The following EHMT1 variants were observed in gnomAD, a reference collection of about 807,000 sequenced individuals.
The protein encoded by EHMT1 is euchromatic histone lysine methyltransferase 1.
In EHMT1, 15 loss-of-function variants were observed where a neutral mutation model predicts 147.2. The observed-to-expected ratio is 0.10, with a 90% CI of 0.07 to 0.16. The LOEUF (loss-of-function observed/expected upper bound fraction) is 0.16, where lower values mean the gene tolerates loss of function less well. EHMT1 is among the 10% of genes least tolerant of loss of function. The pLI is 1.00. For missense variants in EHMT1, 1,587 were observed against 1,772.4 expected (o/e 0.90, Z 1.88); for synonymous variants, 795 against 709.6 (o/e 1.12, Z -1.91).
chr9:137,729,114 C>T (rs1057463990), intron 4 of EHMT1, among the ~76,000 whole-genome samples: 3 of 152,126 alleles, frequency 2.0e-5, no homozygotes, highest in African/African-American at 7.2e-5. Flanking sequence ...CAAACCTCCT[C>T]AGCTTCTGGG....
chr9:137,768,309 T>C (rs1273117015), intron 10 of EHMT1, among the ~76,000 whole-genome samples: 1 of 151,738 alleles, frequency 6.6e-6, no homozygotes, highest in Non-Finnish European at 1.5e-5. Context: ...TTTTTCCACT[T>C]ATACCATCTG....
intron 10 of EHMT1, among the ~76,000 whole-genome samples, chr9:137,774,830 C>T (rs1344335013): frequency 2.6e-5 from 4 of 152,108 alleles, no homozygotes; most frequent in East Asian, 1.9e-4. Context: ...GGTGTGGTCG[C>T]GCCTGGCCCA....
At position 137,744,145 on chromosome 9, in the gene EHMT1, C is replaced by T. The variant is rs1014648363; in HGVS notation, c.1170+55C>T. 31 of 1,603,048 alleles carry T rather than the reference C, an allele frequency of 1.9e-5. No homozygotes were observed. In the East Asian group the frequency reaches 2.9e-4, roughly 15 times the overall value. ...AAGGAAAGAGCATCACAAAGTTGGC[C>T]GTGGTTCTGAAAATTAACAGTCTGG... On this transcript the variant is annotated intron_variant, in intron 6 of 26. Coordinates refer to ENST00000460843, the MANE Select transcript of EHMT1 (RefSeq NM_024757.5).
At chr9:137,651,594 C>T (rs531531305) in intron 1 of EHMT1, among the ~76,000 whole-genome samples, 239 of 152,198 alleles carry the variant, frequency 1.6e-3, no homozygotes, top group Non-Finnish European at 2.3e-3. Flanking sequence ...TCAAGACCAG[C>T]CTGGCTAACA....
rs1394640161 is a variant in EHMT1, at chr9:137,834,856, G to A, written c.3800G>A (p.Ser1267Asn). ...GGCTCCCCCAAGTGCCGGCACTCGA[G>A]CGCGGCCCTGGCCCAGCGTCAGGCC... is the stretch of plus-strand genomic sequence containing the variant. ...RCGSPKCRHS[S>N]AALAQRQASA... The change falls in exon 27 of 27, where the codon AGC becomes AAC. Residue 1267 changes from serine to asparagine, a missense_variant. Physicochemically the swap from Ser to Asn is conservative, Grantham distance 46 (BLOSUM62 1). This residue lies in a region of EHMT1 where 141 missense variants were observed against 150.8 expected (regional missense o/e 0.94). Transcript: ENST00000460843. The A allele has an allele frequency of 6.2e-7, 1 of 1,611,676 alleles. No homozygotes were observed. The highest frequency in any genetic ancestry group is 8.5e-7 in the Non-Finnish European group (1 of 1,179,522).
chr9:137,753,158 G>A (rs1207300334), intron 7 of EHMT1, among the ~76,000 whole-genome samples: 2 of 152,168 alleles, frequency 1.3e-5, no homozygotes, highest in African/African-American at 4.8e-5. Flanking sequence ...TGTGCCGTGG[G>A]GGGAAAGCTC....
chr9:137,720,489 C>A (rs1945840613), intron 3 of EHMT1, among the ~76,000 whole-genome samples: 1 of 151,908 alleles, frequency 6.6e-6, no homozygotes, highest in Non-Finnish European at 1.5e-5. Flanking sequence ...TTTTTGTAGA[C>A]AAGGGATATT....
At position 137,645,966 on chromosome 9, in the gene EHMT1, C is replaced by CT. The variant is rs371744172; in HGVS notation, c.21+26927dup. 7.6e-3 allele frequency among the ~76,000 whole-genome samples: 1,140 copies of CT among 149,742 alleles called. 9 individuals carry two copies. The highest frequency in any genetic ancestry group is 0.021 in the Middle Eastern group (6 of 290). Reference sequence around the variant, plus strand: ...TTAAAATTAGTTACTTCTATTTTTACTTTTTTTTTTGAGACAGAGTCTTGC... The same window carrying CT: ...TTAAAATTAGTTACTTCTATTTTTACTTTTTTTTTTTGAGACAGAGTCTTGC... On this transcript the variant is annotated intron_variant, in intron 1 of 26. Transcript: ENST00000460843.
chr9:137,760,996 G>C (rs906583612), intron 9 of EHMT1, among the ~76,000 whole-genome samples: 1 of 152,220 alleles, frequency 6.6e-6, no homozygotes, highest in African/African-American at 2.4e-5. Context: ...GACAGAGCGA[G>C]ACTCTGGCTC....
chr9:137,817,373 T>C, intron 23 of EHMT1, 66 bp from the exon 24 acceptor site: 1 of 1,592,460 alleles, frequency 6.3e-7, no homozygotes, highest in Non-Finnish European at 8.6e-7. Context: ...CAGCTGGCTT[T>C]TGCTGACCAT....
chr9:137,723,424 C>G (rs981492639), intron 3 of EHMT1, among the ~76,000 whole-genome samples: 3 of 126,596 alleles, frequency 2.4e-5, no homozygotes, highest in Non-Finnish European at 4.8e-5. Flanking sequence ...GTCTGTGGTT[C>G]TGGGCCTGAG....
chr9:137,803,908 T>C (rs1295252328), intron 18 of EHMT1, among the ~76,000 whole-genome samples: 1 of 151,902 alleles, frequency 6.6e-6, no homozygotes, highest in Non-Finnish European at 1.5e-5. Context: ...TGAGAGTGCA[T>C]TCATCCGTTC....
chr9:137,815,311 G>A (rs1184444158), intron 22 of EHMT1: 2 of 171,102 alleles, frequency 1.2e-5, no homozygotes, highest in African/African-American at 4.8e-5. Context: ...TGTCCGAGTG[G>A]TGTCTTTTCA....
In EHMT1 at chr9:137,776,641, C is replaced by A. The variant is rs376363072; in HGVS notation, c.1815C>A (p.Pro605=). 3.7e-6 allele frequency: 6 copies of A among 1,614,048 alleles called. No homozygotes were observed. The highest frequency in any genetic ancestry group is 3.3e-5 in the South Asian group (3 of 91,078). The change falls in exon 12 of 27, where the codon CCC becomes CCA. Residue 605 remains proline (P), a synonymous_variant. Transcript: ENST00000460843. This position sits in a 1 kb window ranked among gnomAD's most constrained non-coding sequence, Gnocchi z 4.4. ...AGGGTAATTTTATGGAGTGTCAGCC[C>A]GAGAGCAGCATCTCTCACCGTTTCC... The part of the protein sequence containing the change: ...CTAGNFMECQ[P]ESSISHRFHK...
chr9:137,696,583 A>T (rs187856003), intron 1 of EHMT1, among the ~76,000 whole-genome samples: 16 of 152,198 alleles, frequency 1.1e-4, no homozygotes, highest in African/African-American at 3.4e-4. Context: ...CAGTGGACCA[A>T]TGTATTTTCT....
rs1205496018 is a variant in EHMT1, at chr9:137,731,972, A to G, written c.823+3443A>G. ...ATGAGGGGAACACGGTGGTGCCCCA[A>G]AACTCGGAGTCACCAGCAACTGCAG... On this transcript the variant is annotated intron_variant, in intron 4 of 26. Transcript: ENST00000460843. The surrounding 1 kb of genome is among the most constrained non-coding windows in gnomAD (Gnocchi z 4.3). Among the ~76,000 whole-genome samples, 1 of 152,202 alleles carries G rather than the reference A, an allele frequency of 6.6e-6. No individual in the cohort carries two copies. Among genetic ancestry groups the G allele is most frequent in the East Asian group, 1.9e-4 (1 of 5,194 alleles).
intron 1 of EHMT1, among the ~76,000 whole-genome samples, chr9:137,621,571 G>A (rs1356660851): frequency 6.6e-6 from 1 of 151,944 alleles, no homozygotes; most frequent in East Asian, 1.9e-4. Flanking sequence ...AGTGGTGTGT[G>A]CCTGTAATTG....
intron 1 of EHMT1, among the ~76,000 whole-genome samples, chr9:137,682,486 A>C (rs1942047228): frequency 6.6e-6 from 1 of 152,178 alleles, no homozygotes; most frequent in South Asian, 2.1e-4. Context: ...AGCCAAGTTC[A>C]GGCTGCTGTA....
intron 1 of EHMT1, among the ~76,000 whole-genome samples, chr9:137,688,566 A>C (rs946182400): frequency 2.6e-5 from 4 of 152,206 alleles, no homozygotes; most frequent in African/African-American, 9.7e-5. Context: ...TATCTGCTTT[A>C]TTGTGAAGAG....
Sources: allele counts gnomAD v4.1 joint callset (sites outside exome capture counted in the v4.1 genomes callset), GRCh38; gene constraint gnomAD v4.1.1; regional missense constraint gnomAD v4.1.1; non-coding constraint Gnocchi (gnomAD v3.1); transcripts MANE v1.5; gene names NCBI Gene and HGNC (gene_info 2026-07-23, HGNC 2026-07-21).